Variants in ADCY9 observed in about 807,000 individuals in gnomAD.
ADCY9 encodes the protein adenylate cyclase 9.
A neutral mutation model predicts 101.5 loss-of-function variants in ADCY9; 50 were observed. The observed-to-expected ratio is 0.49, with a 90% confidence interval of 0.39 to 0.62. ADCY9 has a LOEUF of 0.62. ADCY9 is among the 20% of genes least tolerant of loss of function. The probability of loss-of-function intolerance (pLI) is 0.00; values close to 1 mark genes in which losing one functional copy is unlikely to be tolerated. For synonymous variants in ADCY9, 905 were observed against 769.3 expected, an observed-to-expected ratio of 1.18 and a Z score of -2.92; for missense variants, 1,662 against 1,800.4, an observed-to-expected ratio of 0.92 and a Z score of 1.39.
chr16:4,014,413 C>T (rs1394150858), intron 2 of ADCY9, among the ~76,000 whole-genome samples: 1 of 151,592 alleles, frequency 6.6e-6, no homozygotes, highest in Non-Finnish European at 1.5e-5. Flanking sequence ...GGCACCTTGC[C>T]TGTTTAATTT....
intron 7 of ADCY9, 114 bp downstream of exon 7, chr16:3,983,118 C>A (rs2056158354): frequency 1.6e-5 from 16 of 1,020,358 alleles, no homozygotes; most frequent in Non-Finnish European, 2.1e-5. Flanking sequence ...CTCCAGAAAT[C>A]AGCCAGCAGG....
At chr16:4,025,034 AAGT>A (rs2056504751) in intron 2 of ADCY9, among the ~76,000 whole-genome samples, 1 of 151,778 alleles carries the variant, frequency 6.6e-6, no homozygotes, top group Non-Finnish European at 1.5e-5. Context: ...ACGGCCAGGG[AAGT>A]GGGCCAGCAG....
chr16:4,104,013 T>C (rs1251306537), intron 2 of ADCY9, among the ~76,000 whole-genome samples: 1 of 152,172 alleles, frequency 6.6e-6, no homozygotes, highest in Non-Finnish European at 1.5e-5. Context: ...GCTGTGCAGC[T>C]GTTTGGATTG....
At chr16:4,097,671 C>T (rs1345194591) in intron 2 of ADCY9, among the ~76,000 whole-genome samples, 7 of 149,550 alleles carry the variant, frequency 4.7e-5, no homozygotes, top group Non-Finnish European at 8.9e-5. Flanking sequence ...CTCAGCTTCC[C>T]GAGTAGCTGG....
chr16:4,010,419 G>A lies in ADCY9; in HGVS notation c.1694-2861C>T, dbSNP rs562610757. Among the ~76,000 whole-genome samples the A allele has an allele frequency of 9.2e-5, 14 of 152,370 alleles. No individual in the cohort carries two copies. In the South Asian group the frequency reaches 2.1e-3, roughly 23 times the overall value. ...TCCACGGGGAGCACGGAGTGGCAGC[G>A]GCGGCCTCTGCTCACAAGCTGGGCA... On this transcript the variant is annotated intron_variant, in intron 2 of 10. Coordinates refer to ENST00000294016, the MANE Select transcript of ADCY9 (RefSeq NM_001116.4).
chr16:3,966,259 A>G lies in ADCY9; in HGVS notation c.3578T>C (p.Ile1193Thr), dbSNP rs772950125. The change falls in exon 11 of 11, where the codon ATC becomes ACC. Residue 1193 changes from isoleucine (I) to threonine (T), a missense_variant. Ile to Thr is a moderately conservative substitution (Grantham distance 89, BLOSUM62 -1). Transcript: ENST00000294016. ...LYDIWGDTVN[I>T]ASRMDTTGVE... ...GCCGGTGGTGTCCATCCTGCTGGCG[A>G]TGTTGACGGTGTCTCCCCAGATGTC... is the stretch of plus-strand genomic sequence containing the variant. 1.2e-6 allele frequency: 2 copies of G among 1,614,152 alleles called. No individual in the cohort carries two copies. Among genetic ancestry groups the G allele is most frequent in the South Asian group, 2.2e-5 (2 of 91,088 alleles).
intron 2 of ADCY9, among the ~76,000 whole-genome samples, chr16:4,041,687 A>C (rs1007827377): frequency 2.4e-4 from 37 of 151,902 alleles, no homozygotes; most frequent in African/African-American, 8.7e-4. Context: ...AAATGGGCAA[A>C]GAAAAAGAAA....
intron 10 of ADCY9, 129 bp downstream of exon 10, chr16:3,974,540 T>C: frequency 1.4e-6 from 1 of 689,960 alleles, no homozygotes; most frequent in East Asian, 2.6e-5. Flanking sequence ...ATTTTCCACT[T>C]TCTATTCTAA....
chr16:4,020,946 A>G (rs1238345255), intron 2 of ADCY9, among the ~76,000 whole-genome samples: 2 of 152,318 alleles, frequency 1.3e-5, no homozygotes, highest in Non-Finnish European at 2.9e-5. Context: ...AAAAAACCCT[A>G]TAAGTGGGAT....
In ADCY9 at chr16:3,974,704, T is replaced by C. The variant is rs747415267; in HGVS notation, c.2835A>G (p.Val945=). 6.2e-7 allele frequency: 1 copy of C among 1,612,598 alleles called. No homozygotes were observed. The highest frequency in any genetic ancestry group is 1.1e-5 in the South Asian group (1 of 91,002). ...LYVSLCPDSS[V]LTSPLDAVQN... is the part of the protein sequence containing the mutation. ...GTACTGCGTCAAGGGGCGAAGTTAA[T>C]ACAGAACTGAAATTAAAATGCAGAA... Residue 945 remains valine (V), a synonymous_variant, in exon 10 of 11, where the codon GTA becomes GTG. Transcript: ENST00000294016.
intron 2 of ADCY9, among the ~76,000 whole-genome samples, chr16:4,008,135 C>T (rs1282112125): frequency 6.6e-6 from 1 of 152,032 alleles, no homozygotes; most frequent in Non-Finnish European, 1.5e-5. Flanking sequence ...ACACTCACCC[C>T]AGGAACATTC....
chr16:4,056,140 C>A (rs1470580088), intron 2 of ADCY9, among the ~76,000 whole-genome samples: 1 of 152,236 alleles, frequency 6.6e-6, no homozygotes, highest in Non-Finnish European at 1.5e-5. Flanking sequence ...TCTGTGACAT[C>A]AGGATTCTTC....
chr16:3,974,118 T>G (rs2056074228), intron 10 of ADCY9, among the ~76,000 whole-genome samples: 1 of 152,178 alleles, frequency 6.6e-6, no homozygotes, highest in African/African-American at 2.4e-5. Context: ...CTTGGCTCAC[T>G]GCAAGCTCCG....
At position 4,114,628 on chromosome 16, in the gene ADCY9, G is replaced by A. The variant is rs777313389; in HGVS notation, c.815C>T (p.Pro272Leu). ...CTCCCAGTGCAGGGCCCCGGCTCCG[G>A]GCGAGGGGAAGCAGGCTTCATCCCG... The part of the protein sequence containing the change: ...HFRDEACFPS[P>L]GAGALHWELL... Residue 272 changes from proline to leucine, a missense_variant, in exon 2 of 11, where the codon CCC becomes CTC. This residue lies in a region of ADCY9 where 422 missense variants were observed against 392.0 expected (regional missense o/e 1.08). Transcript: ENST00000294016. The surrounding 1 kb of genome is among the most constrained non-coding windows in gnomAD (Gnocchi z 4.3). 3 of 1,613,540 alleles carry A rather than the reference G, an allele frequency of 1.9e-6. No individual in the cohort carries two copies. Among genetic ancestry groups the A allele is most frequent in the African/African-American group, 1.3e-5 (1 of 74,938 alleles).
At chr16:4,060,334 A>C (rs182055491) in intron 2 of ADCY9, among the ~76,000 whole-genome samples, 3 of 152,316 alleles carry the variant, frequency 2.0e-5, no homozygotes, top group Admixed American at 2.0e-4. Context: ...CACAGGCAGG[A>C]AAGACTGAAG....
chr16:4,049,903 C>T (rs536654583), intron 2 of ADCY9, among the ~76,000 whole-genome samples: 111 of 152,198 alleles, frequency 7.3e-4, no homozygotes, highest in African/African-American at 2.6e-3. Context: ...TGATGGTGTA[C>T]ACCTGTAGTC....
chr16:4,068,859 T>A (rs534222914), intron 2 of ADCY9, among the ~76,000 whole-genome samples: 52 of 151,308 alleles, frequency 3.4e-4, no homozygotes, highest in African/African-American at 1.2e-3. Context: ...TTTGCACATA[T>A]GGGTACACGC....
At chr16:4,074,693 G>A (rs2056856103) in intron 2 of ADCY9, among the ~76,000 whole-genome samples, 1 of 138,458 alleles carries the variant, frequency 7.2e-6, no homozygotes, top group Admixed American at 7.4e-5. Flanking sequence ...CCCCAGTCTG[G>A]ATGACAGGGC....
chr16:3,976,806 C>A (rs1328659365), intron 9 of ADCY9, among the ~76,000 whole-genome samples: 1 of 152,130 alleles, frequency 6.6e-6, no homozygotes, highest in Non-Finnish European at 1.5e-5. Flanking sequence ...TACAGGTGCA[C>A]GCCCCCATGC....
Sources: allele counts gnomAD v4.1 joint callset (sites outside exome capture counted in the v4.1 genomes callset), GRCh38; gene constraint gnomAD v4.1.1; regional missense constraint gnomAD v4.1.1; non-coding constraint Gnocchi (gnomAD v3.1); transcripts MANE v1.5; gene names NCBI Gene and HGNC (gene_info 2026-07-23, HGNC 2026-07-21).